The following MPRIP variants were observed in gnomAD, a reference collection of about 807,000 sequenced individuals.
MPRIP encodes myosin phosphatase Rho interacting protein.
Under a neutral mutation model 234.9 loss-of-function variants are expected in MPRIP, and 59 were observed. That is an observed-to-expected ratio of 0.25 (90% CI 0.20 to 0.31). The LOEUF (loss-of-function observed/expected upper bound fraction) is 0.31, where lower values mean the gene tolerates loss of function less well. MPRIP is among the 10% of genes least tolerant of loss of function. The pLI is 1.00. For missense variants in MPRIP, 2,436 were observed against 3,071.0 expected (o/e 0.79, Z 4.89); for synonymous variants, 1,144 against 1,263.9 (o/e 0.91, Z 2.01).
At position 17,076,760 on chromosome 17, in the gene MPRIP, A is replaced by G. The variant is rs544156622; in HGVS notation, c.201+973A>G. On this transcript the variant is annotated intron_variant, in intron 2 of 23. Transcript: ENST00000651222. Reference sequence around the variant, plus strand: ...CTGGTCCAGCTGGGCTGCAGTTTCCAGGGAGTAGTTCCCTTTCCTATTTTA... The same window carrying G: ...CTGGTCCAGCTGGGCTGCAGTTTCCGGGGAGTAGTTCCCTTTCCTATTTTA... Among the ~76,000 whole-genome samples, 3 of 152,230 alleles carry G rather than the reference A, an allele frequency of 2.0e-5. No individual in the cohort carries two copies. The South Asian group carries it at 6.2e-4, about 32-fold the overall frequency.
In MPRIP at chr17:17,138,040, G is replaced by A. The variant is rs372906902; in HGVS notation, c.861G>A (p.Pro287=). ...CTGAAGAACAGCAGCTGCCCCCGCC[G>A]CTCTCCCCTCCCAGCCCCAGCACCC... is the stretch of plus-strand genomic sequence containing the variant. The part of the protein sequence containing the change: ...LKAEEQQLPP[P]LSPPSPSTPN... The change falls in exon 7 of 24, where the codon CCG becomes CCA. Residue 287 remains proline, a synonymous_variant. Coordinates refer to ENST00000651222, the MANE Select transcript of MPRIP (RefSeq NM_001364716.4). The surrounding 1 kb of genome is among the most constrained non-coding windows in gnomAD (Gnocchi z 5.8). The A allele has an allele frequency of 2.4e-5, 39 of 1,608,486 alleles. No individual in the cohort carries two copies. The Middle Eastern group carries it at 5.0e-4, about 20-fold the overall frequency.
intron 3 of MPRIP, among the ~76,000 whole-genome samples, chr17:17,086,823 C>T (rs1440886203): frequency 2.0e-5 from 3 of 152,142 alleles, no homozygotes; most frequent in African/African-American, 4.8e-5. Context: ...ACGTAGAGGT[C>T]GGAGCATTCT....
At chr17:17,114,937 T>TA (rs201185575) in intron 3 of MPRIP, among the ~76,000 whole-genome samples, 24 of 151,546 alleles carry the variant, frequency 1.6e-4, no homozygotes, top group South Asian at 4.2e-4. Flanking sequence ...TTTTCTCCGT[T>TA]AAAAAAAAAG....
chr17:17,126,594 ACT>A, intron 3 of MPRIP, 106 bp from the exon 4 acceptor site: 1 of 1,266,440 alleles, frequency 7.9e-7, no homozygotes, highest in Non-Finnish European at 1.1e-6. Flanking sequence ...GAGGGAGAGC[ACT>A]CCTAGAGGCC....
chr17:17,092,395 G>A (rs1327727213), intron 3 of MPRIP, among the ~76,000 whole-genome samples: 1 of 152,198 alleles, frequency 6.6e-6, no homozygotes, highest in East Asian at 1.9e-4. Context: ...GCTAGGCACT[G>A]TGATGTGCAG....
At position 17,050,535 on chromosome 17, in the gene MPRIP, G is replaced by A. The variant is rs115389550; in HGVS notation, c.123+7564G>A. On this transcript the variant is annotated intron_variant, in intron 1 of 23. Transcript: ENST00000651222. ...TGGTGGCAGCCCTGGGGTGCCACAG[G>A]TGGTGGTGAGTTTCCTCCGTCCCTC... Among the ~76,000 whole-genome samples the A allele has an allele frequency of 6.1e-3, 932 of 152,318 alleles. 9 individuals carry two copies. Among genetic ancestry groups the A allele is most frequent in the African/African-American group, 0.021 (889 of 41,574 alleles).
rs2046617773 is a variant in MPRIP, at chr17:17,192,615, A to G, written c.*7721A>G. The G allele has an allele frequency of 6.6e-6, 1 of 152,148 alleles. No individual in the cohort carries two copies. Among genetic ancestry groups the G allele is most frequent in the Admixed American group, 6.5e-5 (1 of 15,276 alleles). The allele number at this position is 152,148 out of a possible 1,614,324, so 9.4% of individuals were successfully genotyped here. A position where few individuals can be genotyped will look rare whatever the true frequency, so the allele number is the denominator to read the frequency against. ...AATATTACCTAACTTTACATAAACTATATCATAATAAACTATTTTTGCATC... is the reference window on the plus strand; with the variant it reads ...AATATTACCTAACTTTACATAAACTGTATCATAATAAACTATTTTTGCATC... On this transcript the variant is annotated 3_prime_UTR_variant, in exon 24 of 24. Coordinates refer to ENST00000651222, the MANE Select transcript of MPRIP (RefSeq NM_001364716.4).
chr17:17,145,707 C>G (rs1007338699), intron 9 of MPRIP, among the ~76,000 whole-genome samples: 4 of 152,246 alleles, frequency 2.6e-5, no homozygotes, highest in Non-Finnish European at 5.9e-5. Flanking sequence ...GACTCTTCAT[C>G]TGGGCTTGTT....
At chr17:17,120,089 G>T (rs1342469930) in intron 3 of MPRIP, among the ~76,000 whole-genome samples, 2 of 152,212 alleles carry the variant, frequency 1.3e-5, no homozygotes, top group African/African-American at 4.8e-5. Context: ...TTTCTGGTCT[G>T]AATGAGGGAT....
chr17:17,174,750 G>A (rs1465561287), intron 19 of MPRIP, among the ~76,000 whole-genome samples: 1 of 151,666 alleles, frequency 6.6e-6, no homozygotes, highest in Non-Finnish European at 1.5e-5. Context: ...CAGGAGAATG[G>A]TGTGAACTCG....
At chr17:17,133,332 T>C (rs1225239984) in intron 5 of MPRIP, among the ~76,000 whole-genome samples, 1 of 152,200 alleles carries the variant, frequency 6.6e-6, no homozygotes, top group East Asian at 1.9e-4. Flanking sequence ...CTTTGAATTG[T>C]AATCAGAGGC....
intron 3 of MPRIP, among the ~76,000 whole-genome samples, chr17:17,088,520 A>T (rs1033555531): frequency 2.0e-5 from 3 of 152,228 alleles, no homozygotes; most frequent in African/African-American, 7.2e-5. Flanking sequence ...TTGAAAAAGC[A>T]AAGCCACATG....
Position 17,086,324 on chromosome 17 carries a change from AC to A in MPRIP, c.267+8251del, listed in dbSNP as rs570630026. 4.3e-4 allele frequency among the ~76,000 whole-genome samples: 66 copies of A among 152,202 alleles called. No homozygotes were observed. The South Asian group carries it at 7.9e-3, about 18-fold the overall frequency. ...TGAGGATTTTTTACCCCTGCCCTCC[AC>A]CCGACTTGACTTTTCAGGACACAGA... On this transcript the variant is annotated intron_variant, in intron 3 of 23. Transcript: ENST00000651222.
intron 1 of MPRIP, among the ~76,000 whole-genome samples, chr17:17,044,722 T>C (rs1322103966): frequency 2.0e-5 from 3 of 152,226 alleles, no homozygotes; most frequent in African/African-American, 7.2e-5. Context: ...ATCTGCATGT[T>C]TGAGTCCAAT....
intron 22 of MPRIP, among the ~76,000 whole-genome samples, chr17:17,179,388 A>G (rs1443397207): frequency 1.3e-5 from 2 of 149,362 alleles, no homozygotes; most frequent in African/African-American, 2.5e-5. Context: ...CAGAGGTTGC[A>G]GTGAGCTGCT....
At chr17:17,180,810 G>C (rs2046358619) in intron 23 of MPRIP, 1 of 841,938 alleles carries the variant, frequency 1.2e-6, no homozygotes, top group South Asian at 1.6e-5. Context: ...CCTGCTCTGG[G>C]GAGTTAATTG....
chr17:17,142,071 C>G (rs1395878310), intron 7 of MPRIP: 1 of 155,196 alleles, frequency 6.4e-6, no homozygotes, highest in Non-Finnish European at 1.4e-5. Context: ...CCACCCGCTT[C>G]GCCCCCATCT....
chr17:17,058,455 C>T (rs2088772420), intron 1 of MPRIP, among the ~76,000 whole-genome samples: 1 of 148,694 alleles, frequency 6.7e-6, no homozygotes. Context: ...GAGTGGGGAC[C>T]CGGGGAGTGG....
At chr17:17,134,578 G>A (rs140257007) in intron 5 of MPRIP, among the ~76,000 whole-genome samples, 2 of 152,340 alleles carry the variant, frequency 1.3e-5, no homozygotes, top group East Asian at 1.9e-4. Flanking sequence ...TCAGGTGTGC[G>A]TCCTGGGTCT....
Sources: gnomAD v4.1 joint callset for allele counts (sites outside exome capture counted in the v4.1 genomes callset) on GRCh38, gnomAD v4.1.1 for gene constraint, Gnocchi (gnomAD v3.1) non-coding constraint, MANE v1.5 for transcripts, NCBI Gene and HGNC (gene_info 2026-07-23, HGNC 2026-07-21) for gene names.